Variants in NEURL1 observed in about 807,000 individuals in gnomAD.
The protein encoded by NEURL1 is neuralized E3 ubiquitin protein ligase 1.
A neutral mutation model predicts 41.2 loss-of-function variants in NEURL1; 26 were observed. The observed-to-expected ratio is 0.63, with a 90% CI of 0.46 to 0.87. NEURL1 has a LOEUF of 0.87. NEURL1 is among the 40% of genes least tolerant of loss of function. NEURL1 has a pLI of 0.00. For missense variants in NEURL1, 761 were observed against 871.1 expected (o/e 0.87, Z 1.59); for synonymous variants, 400 against 402.3 (o/e 0.99, Z 0.07).
intron 3 of NEURL1, among the ~76,000 whole-genome samples, chr10:103,584,189 C>G (rs1461367825): frequency 6.6e-6 from 1 of 151,986 alleles, no homozygotes. Context: ...AGGGATAAGA[C>G]GGAAGGAGCC....
At chr10:103,580,442 C>T (rs1314557608) in intron 3 of NEURL1, among the ~76,000 whole-genome samples, 1 of 152,188 alleles carries the variant, frequency 6.6e-6, no homozygotes, top group African/African-American at 2.4e-5. Flanking sequence ...TAAGCCTTAC[C>T]CATCAAGTGG....
chr10:103,587,648 A>G (rs761543708), intron 4 of NEURL1, among the ~76,000 whole-genome samples: 4 of 152,262 alleles, frequency 2.6e-5, no homozygotes, highest in Non-Finnish European at 5.9e-5. Context: ...TGTGTATCAC[A>G]AAACATACAG....
At chr10:103,494,619 G>A in intron 1 of NEURL1, 147 bp downstream of exon 1, 1 of 691,046 alleles carries the variant, frequency 1.4e-6, no homozygotes, top group Non-Finnish European at 2.3e-6. Flanking sequence ...GGCTGGGGGT[G>A]GAGGGCAGCC....
intron 1 of NEURL1, among the ~76,000 whole-genome samples, chr10:103,522,483 C>T (rs927851635): frequency 1.5e-4 from 22 of 151,026 alleles, no homozygotes; most frequent in Non-Finnish European, 2.8e-4. Context: ...GGTGTGGTGG[C>T]ACATGCCTGT....
In NEURL1 at chr10:103,558,325, T is replaced by G; in HGVS notation, c.86-12547T>G. On this transcript the variant is annotated intron_variant, in intron 1 of 5. Coordinates refer to ENST00000369780, the MANE Select transcript of NEURL1 (RefSeq NM_004210.5). This position sits in a 1 kb window ranked among gnomAD's most constrained non-coding sequence, Gnocchi z 4.2. The stretch of plus-strand genomic sequence containing the variant: ...GGGTCATCTAATTGTGTGTTTTGTT[T>G]GTGGACGTGTTTTGGCTCTCTGAGC... 1 of 912,286 alleles carries G rather than the reference T, an allele frequency of 1.1e-6. No individual in the cohort carries two copies. Among genetic ancestry groups the G allele is most frequent in the Non-Finnish European group, 1.3e-6 (1 of 763,270 alleles). 56.5% of individuals were successfully genotyped at this position (912,286 alleles called of 1,614,324 possible). A position where few individuals can be genotyped will look rare whatever the true frequency, so the allele number is the denominator to read the frequency against.
intron 3 of NEURL1, among the ~76,000 whole-genome samples, chr10:103,579,038 G>A (rs1379920952): frequency 6.6e-6 from 1 of 152,228 alleles, no homozygotes; most frequent in East Asian, 1.9e-4. Context: ...TCAGGCTGAC[G>A]GCAAGCTCTG....
intron 1 of NEURL1, among the ~76,000 whole-genome samples, chr10:103,559,873 T>TA (rs1272264596): frequency 1.3e-5 from 2 of 151,606 alleles, no homozygotes; most frequent in African/African-American, 4.9e-5. Flanking sequence ...CATGTACACA[T>TA]ACGCACACAC....
chr10:103,525,676 A>G (rs1362098246), intron 1 of NEURL1, among the ~76,000 whole-genome samples: 1 of 151,964 alleles, frequency 6.6e-6, no homozygotes, highest in Non-Finnish European at 1.5e-5. Flanking sequence ...TCTATATATG[A>G]TAGTTTATAT....
At chr10:103,538,298 C>T (rs556832824) in intron 1 of NEURL1, among the ~76,000 whole-genome samples, 20 of 152,250 alleles carry the variant, frequency 1.3e-4, no homozygotes, top group African/African-American at 3.8e-4. Context: ...AGGCTGAGCA[C>T]GGTGGCTCAC....
intron 1 of NEURL1, among the ~76,000 whole-genome samples, chr10:103,536,941 A>C (rs2034705886): frequency 6.6e-6 from 1 of 152,156 alleles, no homozygotes; most frequent in Non-Finnish European, 1.5e-5. Flanking sequence ...CCTCAACCCC[A>C]GGCAAGCACC....
intron 1 of NEURL1, among the ~76,000 whole-genome samples, chr10:103,530,868 G>C (rs2034556349): frequency 6.6e-6 from 1 of 152,098 alleles, no homozygotes; most frequent in African/African-American, 2.4e-5. Context: ...GAATTGTTGA[G>C]ACTTGTTTTG....
In NEURL1 at chr10:103,584,703, A is replaced by T; in HGVS notation, c.817A>T (p.Ile273Phe). 1 of 1,451,838 alleles carries T rather than the reference A, an allele frequency of 6.9e-7. No individual in the cohort carries two copies. The allele number at this position is 1,451,838 out of a possible 1,614,324, so 89.9% of individuals were successfully genotyped here. Reference protein sequence around the residue: ...DEAAPAAGCPIPQNSLNSQHS... With the variant: ...DEAAPAAGCPFPQNSLNSQHS... ...GGCCGCGCCGGCCGCCGGCTGCCCC[A>T]TCCCGCAGAACTCACTCAACTCGCA... The change falls in exon 4 of 6, where the codon ATC becomes TTC. Residue 273 changes from isoleucine (I) to phenylalanine (F), a missense_variant. Coordinates refer to ENST00000369780, the MANE Select transcript of NEURL1 (RefSeq NM_004210.5).
At position 103,592,389 on chromosome 10, in the gene NEURL1, C is replaced by G. The variant is rs769444695; in HGVS notation, c.*2017C>G. ...GAGACCCCTTCTGTGTGGGAGGGAG[C>G]GGGGGCTGGCTAGCGGGCCCCCCAG... On this transcript the variant is annotated 3_prime_UTR_variant, in exon 6 of 6. Transcript: ENST00000369780. This position sits in a 1 kb window ranked among gnomAD's most constrained non-coding sequence, Gnocchi z 4.8. The G allele has an allele frequency of 3.3e-5, 5 of 152,700 alleles. No homozygotes were observed. Among genetic ancestry groups the G allele is most frequent in the Admixed American group, 2.0e-4 (3 of 15,284 alleles). 9.5% of individuals were successfully genotyped at this position (152,700 alleles called of 1,614,324 possible). A position where few individuals can be genotyped will look rare whatever the true frequency, so the allele number is the denominator to read the frequency against.
At chr10:103,570,245 C>G (rs1183649413) in intron 1 of NEURL1, among the ~76,000 whole-genome samples, 2 of 152,166 alleles carry the variant, frequency 1.3e-5, no homozygotes, top group Non-Finnish European at 1.5e-5. Context: ...ACCAGAGTCC[C>G]CAGCCCCTGA....
rs2035887001 is a variant in NEURL1 at position 103,585,072 on chromosome 10, G to A, written c.1186G>A (p.Gly396Ser). 5.7e-6 allele frequency: 9 copies of A among 1,590,750 alleles called. No homozygotes were observed. Among genetic ancestry groups the A allele is most frequent in the Non-Finnish European group, 6.8e-6 (8 of 1,176,606 alleles). Residue 396 changes from glycine (G) to serine (S), a missense_variant, in exon 4 of 6, where the codon GGC (glycine) becomes AGC (serine). Around this residue, in one of 5 missense-constraint regions of NEURL1, gnomAD observed 443 missense variants for 408.1 expected, o/e 1.09. Transcript: ENST00000369780. The part of the protein sequence containing the change: ...VCRVPGPLHS[G>S]DILGLVVNAD... Reference sequence around the variant, plus strand: ...CCGCGTGCCCGGGCCCCTGCACAGCGGCGACATCCTGGGCCTGGTGGTCAA... The same window carrying A: ...CCGCGTGCCCGGGCCCCTGCACAGCAGCGACATCCTGGGCCTGGTGGTCAA...
chr10:103,570,946 C>T lies in NEURL1; in HGVS notation c.160C>T (p.Pro54Ser). The T allele has an allele frequency of 1.9e-6, 3 of 1,613,968 alleles. No individual in the cohort carries two copies. Among genetic ancestry groups the T allele is most frequent in the Non-Finnish European group, 2.5e-6 (3 of 1,180,030 alleles). ...GCAGAAGCACTGTCCGGCAGTGCTG[C>T]CCAGCGGGGGGCTCCCAGCCACGCC... ...HKQKHCPAVLPSGGLPATPLL... is the reference protein window; with the variant it reads ...HKQKHCPAVLSSGGLPATPLL... Residue 54 changes from proline (P) to serine (S), a missense_variant, in exon 2 of 6, where the codon CCC (proline) becomes TCC (serine). This residue lies in a region of NEURL1 where 94 missense variants were observed against 96.6 expected (regional missense o/e 0.97). Coordinates refer to ENST00000369780, the MANE Select transcript of NEURL1 (RefSeq NM_004210.5).
chr10:103,495,264 C>T (rs2033656061), intron 1 of NEURL1, among the ~76,000 whole-genome samples: 1 of 152,192 alleles, frequency 6.6e-6, no homozygotes, highest in East Asian at 1.9e-4. Flanking sequence ...TCAGACCCTA[C>T]TAAATTCCTT....
chr10:103,551,597 C>T (rs2035033195), intron 1 of NEURL1, among the ~76,000 whole-genome samples: 1 of 152,194 alleles, frequency 6.6e-6, no homozygotes, highest in Non-Finnish European at 1.5e-5. Context: ...AGCCACTGTG[C>T]CCGGCCCCAA....
At chr10:103,540,378 C>G (rs2034794909) in intron 1 of NEURL1, among the ~76,000 whole-genome samples, 1 of 152,138 alleles carries the variant, frequency 6.6e-6, no homozygotes, top group Non-Finnish European at 1.5e-5. Flanking sequence ...CAACCTCTAC[C>G]TCCCGAGTTC....
Sources: allele counts gnomAD v4.1 joint callset (sites outside exome capture counted in the v4.1 genomes callset), GRCh38; gene constraint gnomAD v4.1.1; regional missense constraint gnomAD v4.1.1; non-coding constraint Gnocchi (gnomAD v3.1); transcripts MANE v1.5; gene names NCBI Gene and HGNC (gene_info 2026-07-23, HGNC 2026-07-21).